COG8: variants seen among roughly 807,000 people sequenced by gnomAD.
The protein encoded by COG8 is component of oligomeric golgi complex 8.
Under a neutral mutation model 46.5 loss-of-function variants are expected in COG8, and 45 were observed. The observed-to-expected ratio is 0.97, with a 90% CI of 0.76 to 1.24. COG8 has a LOEUF of 1.24. Ranked by LOEUF, COG8 falls within the 50% of genes most tolerant of loss-of-function variation. The probability of loss-of-function intolerance (pLI) is 0.00; values close to 1 mark genes in which losing one functional copy is unlikely to be tolerated. For synonymous variants in COG8, 407 were observed against 347.8 expected (o/e 1.17, Z -1.90); for missense variants, 793 against 820.8 (o/e 0.97, Z 0.41).
chr16:69,329,027 C>T lies in COG8; in HGVS notation c.*179G>A. ...TCAGCCCCAGTAGCAAAGCTTTAGTCATTCACCTTCATCCAATAGACGTTT... is the reference window on the plus strand; with the variant it reads ...TCAGCCCCAGTAGCAAAGCTTTAGTTATTCACCTTCATCCAATAGACGTTT... On this transcript the variant is annotated 3_prime_UTR_variant, in exon 6 of 6. Coordinates refer to ENST00000306875, the MANE Select transcript of COG8 (RefSeq NM_032382.5). 6.2e-7 allele frequency: 1 copy of T among 1,608,136 alleles called. No homozygotes were observed. The highest frequency in any genetic ancestry group is 8.5e-7 in the Non-Finnish European group (1 of 1,178,322).
In COG8 at chr16:69,326,436, C is replaced by A. The variant is rs542879838; in HGVS notation, c.*2770G>T. 1 of 152,238 alleles carries A rather than the reference C, an allele frequency of 6.6e-6. No homozygotes were observed. The highest frequency in any genetic ancestry group is 6.5e-5 in the Admixed American group (1 of 15,282). The allele number at this position is 152,238 out of a possible 1,614,324, so 9.4% of individuals were successfully genotyped here. A position where few individuals can be genotyped will look rare whatever the true frequency, so the allele number is the denominator to read the frequency against. On this transcript the variant is annotated 3_prime_UTR_variant, in exon 6 of 6. Transcript: ENST00000306875. ...GCAGAGCTTCACTTTAGTGAGCTTA[C>A]AAGTTTTTAAATTTTTACTTCTAGT... is the stretch of plus-strand genomic sequence containing the variant.
rs1308662799 is a variant in COG8 at position 69,329,059 on chromosome 16, G to A, written c.*147C>T. On this transcript the variant is annotated 3_prime_UTR_variant, in exon 6 of 6. Coordinates refer to ENST00000306875, the MANE Select transcript of COG8 (RefSeq NM_032382.5). ...CTTCATCCAATAGACGTTTGTGAAC[G>A]TCCTGCTGTCCATTTTGTCAATAAA... The A allele has an allele frequency of 6.2e-7, 1 of 1,611,746 alleles. No individual in the cohort carries two copies. The highest frequency in any genetic ancestry group is 8.5e-7 in the Non-Finnish European group (1 of 1,179,380).
intron 1 of COG8, among the ~76,000 whole-genome samples, chr16:69,337,941 C>T (rs1377414636): frequency 6.6e-6 from 1 of 152,062 alleles, no homozygotes; most frequent in East Asian, 1.9e-4. Flanking sequence ...AGCATGTTAG[C>T]CAGGATGGCC....
Position 69,334,688 on chromosome 16 carries a change from G to C in COG8, c.1246C>G (p.Pro416Ala), listed in dbSNP as rs780370279. 1 of 1,614,210 alleles carries C rather than the reference G, an allele frequency of 6.2e-7. No individual in the cohort carries two copies. Among genetic ancestry groups the C allele is most frequent in the Non-Finnish European group, 8.5e-7 (1 of 1,180,038 alleles). Residue 416 changes from proline (P) to alanine (A), a missense_variant, in exon 3 of 6, where the codon CCA becomes GCA. Coordinates refer to ENST00000306875, the MANE Select transcript of COG8 (RefSeq NM_032382.5). ...TGCAGCGTCCCCGGCTGGGTGGCTG[G>C]CACAGCAGCAGGCATGTTACTGGTG... ...LGTSNMPAAV[P>A]ATQPGTLQPP...
intron 1 of COG8, chr16:69,338,405 G>A (rs949677950): frequency 1.4e-4 from 22 of 152,230 alleles, no homozygotes; most frequent in African/African-American, 4.1e-4. Context: ...CCTCAAATGC[G>A]AGGATTTCCT....
chr16:69,329,738 G>A (rs549260520), intron 5 of COG8, among the ~76,000 whole-genome samples: 1 of 152,370 alleles, frequency 6.6e-6, no homozygotes, highest in South Asian at 2.1e-4. Flanking sequence ...TTGCCTCAGA[G>A]AGCAAGGGAG....
intron 5 of COG8, 78 bp from the exon 6 acceptor site, chr16:69,329,257 G>T: frequency 7.1e-7 from 1 of 1,409,322 alleles, no homozygotes; most frequent in Non-Finnish European, 9.2e-7. Context: ...CCTGCCCCCG[G>T]TCCTGGCTGT....
At chr16:69,331,225 G>C (rs1171165009) in intron 4 of COG8, 130 bp from the exon 5 acceptor site, 12 of 928,710 alleles carry the variant, frequency 1.3e-5, no homozygotes, top group East Asian at 5.3e-5. Flanking sequence ...GGGAGGGGGG[G>C]GCGGATCACC....
At chr16:69,334,431 A>C in intron 3 of COG8, 90 bp downstream of exon 3, 2 of 1,127,656 alleles carry the variant, frequency 1.8e-6, no homozygotes, top group Non-Finnish European at 2.6e-6. Context: ...GTCAGCAGAC[A>C]CCGTCAAATA....
At position 69,335,043 on chromosome 16, in the gene COG8, G is replaced by C; in HGVS notation, c.891C>G (p.Asp297Glu). The C allele has an allele frequency of 6.2e-7, 1 of 1,614,198 alleles. No individual in the cohort carries two copies. Residue 297 changes from aspartate (D) to glutamate (E), a missense_variant, in exon 3 of 6, where the codon GAC becomes GAG. Asp to Glu is a conservative substitution (Grantham distance 45). Coordinates refer to ENST00000306875, the MANE Select transcript of COG8 (RefSeq NM_032382.5). ...CACCCATGGCAGGGGGCAGCAGTGG[G>C]TCCTCGTCTGAGAAGATGGCACGGT... ...TQYRAIFSDE[D>E]PLLPPAMGEH...
Position 69,330,962 on chromosome 16 carries a change from G to C in COG8, c.1716C>G (p.Pro572=). 6.3e-7 allele frequency: 1 copy of C among 1,584,130 alleles called. No homozygotes were observed. Among genetic ancestry groups the C allele is most frequent in the African/African-American group, 1.3e-5 (1 of 74,616 alleles). The change falls in exon 5 of 6, where the codon CCC becomes CCG. Residue 572 remains proline (P), a synonymous_variant. Coordinates refer to ENST00000306875, the MANE Select transcript of COG8 (RefSeq NM_032382.5). ...GCTCTGGTGCTGGAGCTGTGAGCTC[G>C]GGCCCCAGCGCCTGGTCATCCAGGG... is the stretch of plus-strand genomic sequence containing the variant. ...LFTLDDQALG[P]ELTAPAPEPP... is the part of the protein sequence containing the mutation.
chr16:69,329,516 G>C (rs1451205900), intron 5 of COG8, among the ~76,000 whole-genome samples: 1 of 152,196 alleles, frequency 6.6e-6, no homozygotes, highest in African/African-American at 2.4e-5. Context: ...TCTGCAGCTT[G>C]AGACCCCACT....
intron 4 of COG8, among the ~76,000 whole-genome samples, chr16:69,332,015 C>T (rs905509384): frequency 6.6e-6 from 1 of 152,166 alleles, no homozygotes; most frequent in African/African-American, 2.4e-5. Context: ...CTCAACCAAG[C>T]CCCTCTCCTA....
rs113656415 is a variant in COG8, at chr16:69,328,182, G to A, written c.*1024C>T. 0.1 allele frequency: 15,854 copies of A among 152,220 alleles called. 1,248 individuals carry two copies. Among genetic ancestry groups the A allele is most frequent in the African/African-American group, 0.22 (9,013 of 41,468 alleles). 9.4% of individuals were successfully genotyped at this position (152,220 alleles called of 1,614,324 possible). A position where few individuals can be genotyped will look rare whatever the true frequency, so the allele number is the denominator to read the frequency against. ...AGGCTGGTCTTGAGCTCCTGACCTCGTGATCCACCCGCCCCGCCCTCCCAA... is the reference window on the plus strand; with the variant it reads ...AGGCTGGTCTTGAGCTCCTGACCTCATGATCCACCCGCCCCGCCCTCCCAA... On this transcript the variant is annotated 3_prime_UTR_variant, in exon 6 of 6. Coordinates refer to ENST00000306875, the MANE Select transcript of COG8 (RefSeq NM_032382.5).
chr16:69,335,321 T>A lies in COG8; in HGVS notation c.613A>T (p.Met205Leu). The change falls in exon 3 of 6, where the codon ATG becomes TTG. Residue 205 changes from methionine (M) to leucine (L), a missense_variant. Physicochemically the swap from Met to Leu is conservative, Grantham distance 15. Coordinates refer to ENST00000306875, the MANE Select transcript of COG8 (RefSeq NM_032382.5). ...ATCAGCTGGCTCAGCATCAGCTGCA[T>A]GGACTGGCGCACTTCGTTCACGATG... ...QGIVNEVRQS[M>L]QLMLSQLIQQ... 6.2e-7 allele frequency: 1 copy of A among 1,606,728 alleles called. No individual in the cohort carries two copies. The highest frequency in any genetic ancestry group is 8.5e-7 in the Non-Finnish European group (1 of 1,178,586).
chr16:69,334,723 G>A lies in COG8; in HGVS notation c.1211C>T (p.Ala404Val). Residue 404 changes from alanine to valine, a missense_variant, in exon 3 of 6, where the codon GCC becomes GTC. Physicochemically the swap from Ala to Val is moderately conservative, Grantham distance 64. Coordinates refer to ENST00000306875, the MANE Select transcript of COG8 (RefSeq NM_032382.5). The stretch of plus-strand genomic sequence containing the variant: ...AGGCATGTTACTGGTGCCCAGGATG[G>A]CTGGAGCCGAGATGAGCATGTAGGA... ...MNSYMLISAPAILGTSNMPAA... is the reference protein window; with the variant it reads ...MNSYMLISAPVILGTSNMPAA... 3 of 1,614,202 alleles carry A rather than the reference G, an allele frequency of 1.9e-6. No homozygotes were observed. Among genetic ancestry groups the A allele is most frequent in the African/African-American group, 2.7e-5 (2 of 75,076 alleles).
In COG8 at chr16:69,329,032, A is replaced by T; in HGVS notation, c.*174T>A. On this transcript the variant is annotated 3_prime_UTR_variant, in exon 6 of 6. Transcript: ENST00000306875. Reference sequence around the variant, plus strand: ...CCCAGTAGCAAAGCTTTAGTCATTCACCTTCATCCAATAGACGTTTGTGAA... The same window carrying T: ...CCCAGTAGCAAAGCTTTAGTCATTCTCCTTCATCCAATAGACGTTTGTGAA... The T allele has an allele frequency of 6.2e-7, 1 of 1,608,628 alleles. No individual in the cohort carries two copies. The highest frequency in any genetic ancestry group is 1.7e-5 in the Admixed American group (1 of 59,264).
At chr16:69,329,989 G>A in intron 5 of COG8, 1 of 1,525,458 alleles carries the variant, frequency 6.6e-7, no homozygotes, top group Non-Finnish European at 8.8e-7. Flanking sequence ...GGTCCCCGCC[G>A]CCCGCACCTG....
At position 69,327,688 on chromosome 16, in the gene COG8, CAGCA is replaced by C. The variant is rs1965641698; in HGVS notation, c.*1514_*1517del. 3 of 152,102 alleles carry C rather than the reference CAGCA, an allele frequency of 2.0e-5. No homozygotes were observed. The allele number at this position is 152,102 out of a possible 1,614,324, so 9.4% of individuals were successfully genotyped here. ...GCAAGAATACCTACTTTACAAAACT[CAGCA>C]TAAAAATGAGGTGAAACAGTTTAAC... On this transcript the variant is annotated 3_prime_UTR_variant, in exon 6 of 6. Transcript: ENST00000306875.
Sources: gnomAD v4.1 joint callset for allele counts (sites outside exome capture counted in the v4.1 genomes callset) on GRCh38, gnomAD v4.1.1 for gene constraint, MANE v1.5 for transcripts, NCBI Gene and HGNC (gene_info 2026-07-23, HGNC 2026-07-21) for gene names.